Variants in TSHZ3 observed in about 807,000 individuals in gnomAD.
TSHZ3 encodes the protein teashirt homolog 3.
TSHZ3 carries 10 observed loss-of-function variants against 64.5 expected under a neutral mutation model. That is an observed-to-expected ratio of 0.16 (90% confidence interval 0.10 to 0.26). TSHZ3 has a LOEUF of 0.26. TSHZ3 is among the 10% of genes least tolerant of loss of function. TSHZ3 has a pLI of 1.00. For synonymous variants in TSHZ3, 608 were observed against 593.1 expected (o/e 1.03, Z -0.36); for missense variants, 1,242 against 1,421.7 (o/e 0.87, Z 2.03).
chr19:31,182,583 G>A (rs1245423020), intron 5 of TSHZ3, among the ~76,000 whole-genome samples: 1 of 152,198 alleles, frequency 6.6e-6, no homozygotes, highest in African/African-American at 2.4e-5. Context: ...AAGGAAAGCA[G>A]AGAGTCAAAT....
chr19:31,177,369 T>C (rs1215181801), intron 5 of TSHZ3, among the ~76,000 whole-genome samples: 1 of 152,244 alleles, frequency 6.6e-6, no homozygotes, highest in African/African-American at 2.4e-5. Flanking sequence ...GGTGTCAGCA[T>C]GGTTGCCCTC....
At chr19:31,225,406 G>A (rs948320050) in intron 4 of TSHZ3, among the ~76,000 whole-genome samples, 10 of 152,158 alleles carry the variant, frequency 6.6e-5, no homozygotes, top group African/African-American at 2.2e-4. Flanking sequence ...ACACATCTCA[G>A]CCTGTCACAT....
intron 1 of TSHZ3, among the ~76,000 whole-genome samples, chr19:31,316,060 C>A (rs549856728): frequency 6.6e-6 from 1 of 152,030 alleles, no homozygotes; most frequent in Non-Finnish European, 1.5e-5. Flanking sequence ...ACTTGCACTT[C>A]GGGTGGGTGT....
At chr19:31,235,699 C>CTTTTT (rs34677399) in intron 3 of TSHZ3, among the ~76,000 whole-genome samples, 3 of 59,570 alleles carry the variant, frequency 5.0e-5, no homozygotes, top group African/African-American at 7.1e-5. Flanking sequence ...TCCTCTTCTT[C>CTTTTT]TTTTTTTTTT....
At chr19:31,198,613 A>G (rs1416177997) in intron 5 of TSHZ3, among the ~76,000 whole-genome samples, 1 of 152,180 alleles carries the variant, frequency 6.6e-6, no homozygotes, top group Non-Finnish European at 1.5e-5. Flanking sequence ...ACAAAAGTCT[A>G]TTGCTTTTCT....
chr19:31,314,176 C>T (rs1035367322), intron 1 of TSHZ3, among the ~76,000 whole-genome samples: 11 of 152,188 alleles, frequency 7.2e-5, no homozygotes, highest in African/African-American at 1.2e-4. Context: ...TGCCTCCTTC[C>T]GGCTTCTAAG....
At chr19:31,337,744 C>CACACACACAT (rs1428931871) in intron 1 of TSHZ3, among the ~76,000 whole-genome samples, 2 of 151,996 alleles carry the variant, frequency 1.3e-5, no homozygotes, top group African/African-American at 4.8e-5. Flanking sequence ...CACACACACA[C>CACACACACAT]ACACACACAA....
Position 31,321,827 on chromosome 19 carries a change from TTTTC to T in TSHZ3, c.40+27349_40+27352del, listed in dbSNP as rs201433750. On this transcript the variant is annotated intron_variant, in intron 1 of 1. Coordinates refer to ENST00000240587, the MANE Select transcript of TSHZ3 (RefSeq NM_020856.4). ...GTAAACGCATTTCCTTGAAGATGTT[TTTTC>T]TTTTTCTTTTTTTTTATACTTTAAG... Among the ~76,000 whole-genome samples the T allele has an allele frequency of 9.8e-3, 1,499 of 152,184 alleles. 21 individuals are homozygous for T. The highest frequency in any genetic ancestry group is 0.034 in the African/African-American group (1,423 of 41,518).
chr19:31,246,508 G>A (rs1975759359), intron 1 of TSHZ3, among the ~76,000 whole-genome samples: 1 of 152,112 alleles, frequency 6.6e-6, no homozygotes, highest in South Asian at 2.1e-4. Flanking sequence ...GGAGAAAGGA[G>A]TATAAAATTG....
chr19:31,235,652 ATTTC>A (rs1253183762), intron 3 of TSHZ3, among the ~76,000 whole-genome samples: 6 of 45,882 alleles, frequency 1.3e-4, no homozygotes, highest in African/African-American at 5.4e-4. Flanking sequence ...CTTTCTTTCT[ATTTC>A]TTTCTATTTC....
At chr19:31,198,036 GC>G (rs1465989718) in intron 5 of TSHZ3, among the ~76,000 whole-genome samples, 1 of 152,036 alleles carries the variant, frequency 6.6e-6, no homozygotes, top group Non-Finnish European at 1.5e-5. Context: ...GGACATAGAT[GC>G]AAAAATCCTC....
At chr19:31,211,735 G>C (rs770739605) in intron 4 of TSHZ3, among the ~76,000 whole-genome samples, 1 of 152,182 alleles carries the variant, frequency 6.6e-6, no homozygotes, top group Non-Finnish European at 1.5e-5. Context: ...AGTGAGGAGC[G>C]GGGAGTGTGG....
intron 1 of TSHZ3, among the ~76,000 whole-genome samples, chr19:31,337,753 A>ACACACAC (rs1568385796): frequency 6.6e-6 from 1 of 151,900 alleles, no homozygotes; most frequent in Non-Finnish European, 1.5e-5. Flanking sequence ...ACACACACAC[A>ACACACAC]AAGTTGCCTG....
At chr19:31,305,415 ACCT>A (rs1282727910) in intron 1 of TSHZ3, 8 of 152,190 alleles carry the variant, frequency 5.3e-5, no homozygotes, top group African/African-American at 1.9e-4. Context: ...GGGACAGGAA[ACCT>A]CCTAGCATGG....
chr19:31,187,130 C>A (rs973138118), intron 5 of TSHZ3, among the ~76,000 whole-genome samples: 1 of 152,116 alleles, frequency 6.6e-6, no homozygotes, highest in Non-Finnish European at 1.5e-5. Flanking sequence ...ATTTGTGTCA[C>A]CCCAAATGAC....
At chr19:31,237,342 T>C in intron 3 of TSHZ3, among the ~76,000 whole-genome samples, 1 of 152,324 alleles carries the variant, frequency 6.6e-6, no homozygotes, top group Admixed American at 6.5e-5. Flanking sequence ...TATGATAATA[T>C]TCCTCATTAT....
intron 4 of TSHZ3, among the ~76,000 whole-genome samples, chr19:31,213,356 CAAAAAAAAAAA>C (rs35192337): frequency 0.012 from 274 of 23,280 alleles, no homozygotes; most frequent in African/African-American, 0.03. Context: ...GACTCTGTCT[CAAAAAAAAAAA>C]AAAAAAAAAA....
intron 1 of TSHZ3, among the ~76,000 whole-genome samples, chr19:31,243,700 G>T (rs1017482341): frequency 1.3e-5 from 2 of 152,112 alleles, no homozygotes; most frequent in African/African-American, 4.8e-5. Context: ...CAAGGTCAGG[G>T]TTGTTCAGAT....
At chr19:31,263,497 C>T (rs1446912767) in intron 1 of TSHZ3, among the ~76,000 whole-genome samples, 2 of 152,238 alleles carry the variant, frequency 1.3e-5, no homozygotes. Context: ...AAGCTGCCTT[C>T]TCCCCAGCTG....
Sources: allele counts gnomAD v4.1 joint callset (sites outside exome capture counted in the v4.1 genomes callset), GRCh38; gene constraint gnomAD v4.1.1; transcripts MANE v1.5; gene names NCBI Gene and HGNC (gene_info 2026-07-23, HGNC 2026-07-21).